LACTB: variants seen among roughly 807,000 people sequenced by gnomAD.
LACTB encodes serine beta-lactamase-like protein LACTB, mitochondrial.
Under a neutral mutation model 50.2 loss-of-function variants are expected in LACTB, and 35 were observed. The observed-to-expected ratio is 0.70, with a 90% confidence interval of 0.53 to 0.92. The LOEUF is 0.92. Among genes scored for constraint, LACTB ranks in the 40% least tolerant of loss-of-function variants. The pLI is 0.00. For synonymous variants in LACTB, 252 were observed against 268.2 expected (o/e 0.94, Z 0.59); for missense variants, 664 against 691.8 (o/e 0.96, Z 0.45).
At chr15:63,123,684 T>C (rs1595713234) in intron 2 of LACTB, among the ~76,000 whole-genome samples, 1 of 152,312 alleles carries the variant, frequency 6.6e-6, no homozygotes, top group Admixed American at 6.5e-5. Context: ...GGGTCACGTG[T>C]CCACTGGACA....
At chr15:63,128,968 C>G (rs2037093567) in intron 4 of LACTB, among the ~76,000 whole-genome samples, 1 of 152,198 alleles carries the variant, frequency 6.6e-6, no homozygotes, top group South Asian at 2.1e-4. Context: ...GTCTCGAACT[C>G]CTGACCTCAG....
intron 4 of LACTB, among the ~76,000 whole-genome samples, chr15:63,128,548 T>A (rs1255176431): frequency 6.6e-6 from 1 of 152,114 alleles, no homozygotes; most frequent in Non-Finnish European, 1.5e-5. Flanking sequence ...TTGTAGTGGG[T>A]TGTGATCATA....
At chr15:63,136,257 G>C (rs547354456) in intron 5 of LACTB, among the ~76,000 whole-genome samples, 12 of 152,186 alleles carry the variant, frequency 7.9e-5, no homozygotes, top group East Asian at 5.8e-4. Flanking sequence ...TTCCCAGGCT[G>C]ATCTCCTGAC....
chr15:63,135,016 C>A (rs549933940), intron 5 of LACTB, among the ~76,000 whole-genome samples: 1 of 152,216 alleles, frequency 6.6e-6, no homozygotes, highest in South Asian at 2.1e-4. Context: ...AGGAATTTTA[C>A]AGTTATATTT....
At chr15:63,136,070 C>G (rs567113900) in intron 5 of LACTB, among the ~76,000 whole-genome samples, 2 of 137,534 alleles carry the variant, frequency 1.5e-5, no homozygotes, top group Admixed American at 1.6e-4. Context: ...GAGACAAGAT[C>G]TCACTCTGTT....
Position 63,141,716 on chromosome 15 carries a change from G to T in LACTB, c.1555G>T (p.Val519Phe). The change falls in exon 6 of 6, where the codon GTT (valine) becomes TTT (phenylalanine). Residue 519 changes from valine (V) to phenylalanine (F), a missense_variant. Physicochemically the swap from Val to Phe is conservative, Grantham distance 50 (BLOSUM62 -1). Transcript: ENST00000261893. ...NNKVPPRGII[V>F]SIICNMQSVG... ...CAAGGTTCCCCCAAGAGGAATCATT[G>T]TTTCTATCATATGTAACATGCAATC... 1.2e-6 allele frequency: 2 copies of T among 1,614,154 alleles called. No individual in the cohort carries two copies. The highest frequency in any genetic ancestry group is 1.7e-6 in the Non-Finnish European group (2 of 1,180,032).
chr15:63,136,534 G>T (rs75805478), intron 5 of LACTB, among the ~76,000 whole-genome samples: 1 of 151,838 alleles, frequency 6.6e-6, no homozygotes, highest in East Asian at 1.9e-4. Flanking sequence ...ACTAAAAGAG[G>T]AAATATTGTT....
rs953131133 is a variant in LACTB, at chr15:63,126,932, C to T, written c.498C>T (p.Ser166=). The change falls in exon 3 of 6, where the codon AGC becomes AGT. Residue 166 remains serine (S), a synonymous_variant. Coordinates refer to ENST00000261893, the MANE Select transcript of LACTB (RefSeq NM_032857.5). Reference sequence around the variant, plus strand: ...CAGTTATGCGAATTGCTAGCATCAGCAAAAGTCTCACCATGGTTGCTCTTG... The same window carrying T: ...CAGTTATGCGAATTGCTAGCATCAGTAAAAGTCTCACCATGGTTGCTCTTG... ...PETVMRIASI[S]KSLTMVALAK... is the part of the protein sequence containing the mutation. The T allele has an allele frequency of 2.5e-6, 4 of 1,612,988 alleles. No homozygotes were observed. In the African/African-American group the frequency reaches 5.3e-5, roughly 22 times the overall value.
intron 5 of LACTB, among the ~76,000 whole-genome samples, chr15:63,135,052 G>C (rs769092117): frequency 1.4e-4 from 21 of 152,086 alleles, no homozygotes; most frequent in Non-Finnish European, 2.6e-4. Flanking sequence ...TATTTGATTT[G>C]TTAGAAAGGT....
In LACTB at chr15:63,127,446, A is replaced by G; in HGVS notation, c.709A>G (p.Lys237Glu). The change falls in exon 4 of 6, where the codon AAA becomes GAA. Residue 237 changes from lysine (K) to glutamate (E), a missense_variant. Coordinates refer to ENST00000261893, the MANE Select transcript of LACTB (RefSeq NM_032857.5). Reference sequence around the variant, plus strand: ...AAAGGTGAAAGAAGAGAAAGCTTATAAAGCCTTGAAGATGATGAAAGAGAA... The same window carrying G: ...AAAGGTGAAAGAAGAGAAAGCTTATGAAGCCTTGAAGATGATGAAAGAGAA... ...IKKVKEEKAY[K>E]ALKMMKENVA... The G allele has an allele frequency of 6.2e-7, 1 of 1,609,738 alleles. No homozygotes were observed. The highest frequency in any genetic ancestry group is 1.1e-5 in the South Asian group (1 of 89,680).
chr15:63,127,247 G>A, intron 3 of LACTB, 106 bp from the exon 4 acceptor site: 4 of 1,021,972 alleles, frequency 3.9e-6, no homozygotes, highest in Non-Finnish European at 5.7e-6. Flanking sequence ...CATTTTCCCA[G>A]CAGCAGTTCT....
At chr15:63,131,900 G>A (rs570451602) in intron 5 of LACTB, among the ~76,000 whole-genome samples, 4 of 151,180 alleles carry the variant, frequency 2.6e-5, no homozygotes, top group African/African-American at 7.3e-5. Flanking sequence ...AGCTGAGGTC[G>A]CCCCACTACA....
intron 1 of LACTB, 149 bp from the exon 2 acceptor site, chr15:63,122,487 G>C: frequency 5.2e-6 from 4 of 763,414 alleles, no homozygotes; most frequent in Non-Finnish European, 9.2e-6. Context: ...CTGTTAGTGA[G>C]TGACCATGGC....
intron 3 of LACTB, 67 bp from the exon 4 acceptor site, chr15:63,127,286 C>G: frequency 8.1e-7 from 1 of 1,231,844 alleles, no homozygotes; most frequent in Non-Finnish European, 1.1e-6. Flanking sequence ...AGACATTATT[C>G]CGAGGCAACT....
chr15:63,129,575 A>G lies in LACTB; in HGVS notation c.1043A>G (p.Gln348Arg), dbSNP rs759955286. ...ASGCKYLDYM[Q>R]KIFHDLDMLT... ...GGATGTAAATATTTGGACTATATGC[A>G]GAAAATATTCCATGACTTGGATATG... The change falls in exon 5 of 6, where the codon CAG (glutamine) becomes CGG (arginine). Residue 348 changes from glutamine (Q) to arginine (R), a missense_variant. By Grantham distance (43) the Gln-to-Arg change is conservative. Coordinates refer to ENST00000261893, the MANE Select transcript of LACTB (RefSeq NM_032857.5). 1 of 1,613,578 alleles carries G rather than the reference A, an allele frequency of 6.2e-7. No individual in the cohort carries two copies. Among genetic ancestry groups the G allele is most frequent in the South Asian group, 1.1e-5 (1 of 90,998 alleles).
intron 5 of LACTB, among the ~76,000 whole-genome samples, chr15:63,134,749 A>G (rs1389089094): frequency 5.3e-5 from 8 of 152,040 alleles, no homozygotes; most frequent in Admixed American, 1.3e-4. Flanking sequence ...CCAGCCATCT[A>G]TGCCACTGGC....
chr15:63,126,104 C>A (rs564027741), intron 2 of LACTB: 1 of 152,062 alleles, frequency 6.6e-6, no homozygotes, highest in Non-Finnish European at 1.5e-5. Flanking sequence ...GGTTTGCAGT[C>A]GAATTAAATT....
intron 5 of LACTB, among the ~76,000 whole-genome samples, chr15:63,139,671 T>C (rs945708416): frequency 1.9e-4 from 27 of 143,638 alleles, no homozygotes; most frequent in Admixed American, 1.7e-3. Context: ...AATAAGTAAA[T>C]ATACAGAAAA....
At chr15:63,123,654 A>T (rs1481825035) in intron 2 of LACTB, among the ~76,000 whole-genome samples, 4 of 152,316 alleles carry the variant, frequency 2.6e-5, no homozygotes, top group East Asian at 3.9e-4. Flanking sequence ...GGTCATCTCC[A>T]ATGATAGGTA....
Sources: allele counts gnomAD v4.1 joint callset (sites outside exome capture counted in the v4.1 genomes callset), GRCh38; gene constraint gnomAD v4.1.1; transcripts MANE v1.5; gene names NCBI Gene and HGNC (gene_info 2026-07-23, HGNC 2026-07-21).